Variants in TMEM175 observed in about 807,000 individuals in gnomAD.
TMEM175 encodes the protein transmembrane protein 175, also known as endosomal/lysosomal proton channel TMEM175.
TMEM175 carries 36 observed loss-of-function variants against 36.5 expected under a neutral mutation model. That is an observed-to-expected ratio of 0.99 (90% CI 0.76 to 1.30). The LOEUF is 1.30. TMEM175 is among the 50% of genes most tolerant of loss of function. The probability of loss-of-function intolerance (pLI) is 0.00; values close to 1 mark genes in which losing one functional copy is unlikely to be tolerated. For missense variants in TMEM175, 705 were observed against 692.8 expected (o/e 1.02, Z -0.20); for synonymous variants, 339 against 313.4 (o/e 1.08, Z -0.86).
chr4:945,319 C>T (rs934634570), intron 1 of TMEM175, among the ~76,000 whole-genome samples: 3 of 152,282 alleles, frequency 2.0e-5, no homozygotes, highest in African/African-American at 7.2e-5. Flanking sequence ...CTCCTCACTC[C>T]CCGCCGTTTG....
intron 3 of TMEM175, chr4:948,657 T>C: frequency 7.4e-6 from 9 of 1,223,878 alleles, no homozygotes; most frequent in Non-Finnish European, 9.4e-6. Context: ...CCACCTTGAC[T>C]GTTTCTGAGC....
intron 1 of TMEM175, among the ~76,000 whole-genome samples, chr4:940,506 G>T (rs1727316430): frequency 6.6e-6 from 1 of 151,780 alleles, no homozygotes; most frequent in South Asian, 2.1e-4. Flanking sequence ...AAGAGGGAGG[G>T]TGGAGCACCA....
chr4:956,221 C>T (rs1729614709), intron 10 of TMEM175: 2 of 1,031,308 alleles, frequency 1.9e-6, no homozygotes, highest in Admixed American at 6.8e-5. Flanking sequence ...ATCCCCCTGC[C>T]CCAGGCCTCA....
chr4:952,294 T>C (rs1728987743), intron 6 of TMEM175, 73 bp from the exon 7 acceptor site: 2 of 1,369,500 alleles, frequency 1.5e-6, no homozygotes, highest in Non-Finnish European at 2.1e-6. Context: ...AGGCTCACCA[T>C]GGCCCAGTTC....
chr4:950,347 A>G (rs1418890950), intron 3 of TMEM175, 74 bp from the exon 4 acceptor site: 1 of 1,248,430 alleles, frequency 8.0e-7, no homozygotes, highest in Non-Finnish European at 1.2e-6. Context: ...GCCCCCCCTC[A>G]CGGTGCTGTC....
Position 953,231 on chromosome 4 carries a change from G to A in TMEM175, c.504G>A (p.Leu168=). The A allele has an allele frequency of 6.2e-7, 1 of 1,613,536 alleles. No homozygotes were observed. The highest frequency in any genetic ancestry group is 8.5e-7 in the Non-Finnish European group (1 of 1,179,710). The change falls in exon 8 of 11, where the codon CTG becomes CTA. Residue 168 remains leucine (L), a synonymous_variant. Coordinates refer to ENST00000264771, the MANE Select transcript of TMEM175 (RefSeq NM_032326.4). ...ACGCATTCCACTTCCCGCACCTGCT[G>A]AGCCCGCAGATCCAGCGCTCTGCCC... is the stretch of plus-strand genomic sequence containing the variant. ...VGYAFHFPHL[L]SPQIQRSAHR...
chr4:948,034 C>T (rs1223652427), intron 2 of TMEM175, 82 bp from the exon 3 acceptor site: 1 of 1,611,290 alleles, frequency 6.2e-7, no homozygotes, highest in Non-Finnish European at 8.5e-7. Context: ...CCAGCACTGC[C>T]CTCGAGTCCC....
intron 1 of TMEM175, among the ~76,000 whole-genome samples, chr4:943,064 C>T (rs1727720486): frequency 6.6e-6 from 1 of 152,104 alleles, no homozygotes; most frequent in East Asian, 1.9e-4. Flanking sequence ...AAAGAACTCT[C>T]AAAACTCAAT....
chr4:956,034 G>A, intron 10 of TMEM175, 144 bp downstream of exon 10: 1 of 1,084,476 alleles, frequency 9.2e-7, no homozygotes, highest in Non-Finnish European at 1.3e-6. Context: ...GTGAGGTCAG[G>A]GCAGCCCCCA....
At chr4:952,336 G>T (rs775151307) in intron 6 of TMEM175, 31 bp from the exon 7 acceptor site, 20 of 1,597,924 alleles carry the variant, frequency 1.3e-5, no homozygotes, top group South Asian at 3.3e-5. Flanking sequence ...CTAGGATTTG[G>T]GGGGGTTTGG....
At chr4:940,653 G>A (rs568201215) in intron 1 of TMEM175, among the ~76,000 whole-genome samples, 2 of 152,174 alleles carry the variant, frequency 1.3e-5, no homozygotes, top group South Asian at 2.1e-4. Context: ...TAATTGTGAT[G>A]TATGAATATT....
intron 3 of TMEM175, 119 bp downstream of exon 3, chr4:948,273 C>A: frequency 6.3e-7 from 1 of 1,599,042 alleles, no homozygotes; most frequent in Non-Finnish European, 8.5e-7. Context: ...GCTTAGGAGG[C>A]AGAGGCGGGA....
chr4:942,636 CTTTTTTTTTTT>C (rs879382397), intron 1 of TMEM175, among the ~76,000 whole-genome samples: 1 of 137,704 alleles, frequency 7.3e-6, no homozygotes, highest in Non-Finnish European at 1.6e-5. Flanking sequence ...CTTGAATTTT[CTTTTTTTTTTT>C]TTTTCTTTTT....
intron 4 of TMEM175, among the ~76,000 whole-genome samples, chr4:950,838 A>T (rs1021658413): frequency 6.9e-6 from 1 of 144,400 alleles, no homozygotes; most frequent in Non-Finnish European, 1.5e-5. Context: ...GATGGTGTGG[A>T]TGGTGCAGTA....
At chr4:950,221 G>A (rs992003171) in intron 3 of TMEM175, among the ~76,000 whole-genome samples, 200 bp from the exon 4 acceptor site, 2 of 152,100 alleles carry the variant, frequency 1.3e-5, no homozygotes, top group Non-Finnish European at 2.9e-5. Context: ...CAGACCAGCT[G>A]GAGACGGAGG....
At chr4:944,017 G>C (rs1401581646) in intron 1 of TMEM175, among the ~76,000 whole-genome samples, 1 of 152,232 alleles carries the variant, frequency 6.6e-6, no homozygotes, top group East Asian at 1.9e-4. Context: ...AATTGGCTGG[G>C]TGCAGTGGCT....
Position 947,762 on chromosome 4 carries a change from A to G in TMEM175, c.23A>G (p.Glu8Gly). 1 of 1,611,110 alleles carries G rather than the reference A, an allele frequency of 6.2e-7. No individual in the cohort carries two copies. Among genetic ancestry groups the G allele is most frequent in the Non-Finnish European group, 8.5e-7 (1 of 1,178,840 alleles). MSQPRTP[E>G]QALDTPGDCP... ...GCCATGTCCCAGCCCCGGACCCCAG[A>G]GCAGGCACTGGATACACCGGGGGAC... The change falls in exon 2 of 11, where the codon GAG (glutamate) becomes GGG (glycine). Residue 8 changes from glutamate to glycine, a missense_variant. Glu to Gly is a moderately conservative substitution (Grantham distance 98). Transcript: ENST00000264771.
chr4:948,467 C>A (rs1160366988), intron 3 of TMEM175: 1 of 1,456,050 alleles, frequency 6.9e-7, no homozygotes, highest in Non-Finnish European at 9.1e-7. Context: ...GAGGAAGGTT[C>A]CGGGCCTGCC....
chr4:944,440 A>G (rs1348961989), intron 1 of TMEM175, among the ~76,000 whole-genome samples: 1 of 152,206 alleles, frequency 6.6e-6, no homozygotes, highest in Non-Finnish European at 1.5e-5. Context: ...CTGTGGTTAC[A>G]TGCCTGTCTG....
Sources: allele counts gnomAD v4.1 joint callset (sites outside exome capture counted in the v4.1 genomes callset), GRCh38; gene constraint gnomAD v4.1.1; transcripts MANE v1.5; gene names NCBI Gene and HGNC (gene_info 2026-07-23, HGNC 2026-07-21).